TEKTL1: variants seen among roughly 807,000 people sequenced by gnomAD.
TEKTL1 encodes tektin-like protein 1.
chr19:15,023,117 TA>T, the TEKTL1 span: 1 of 1,592,740 alleles, frequency 6.3e-7, no homozygotes, highest in Non-Finnish European at 8.5e-7. Flanking sequence ...CGCGGACCCC[TA>T]GTGACCCCAG....
At chr19:15,020,964 C>T in the TEKTL1 span, among the ~76,000 whole-genome samples, 1 of 151,942 alleles carries the variant, frequency 6.6e-6, no homozygotes, top group African/African-American at 2.4e-5. Context: ...ACTGCAACCT[C>T]CGCCTCCCAG....
the TEKTL1 span, among the ~76,000 whole-genome samples, chr19:15,021,033 C>G: frequency 3.9e-5 from 6 of 152,066 alleles, no homozygotes. Flanking sequence ...GCGCCCACCA[C>G]CACGCCCGGC....
chr19:15,022,614 C>T, the TEKTL1 span, among the ~76,000 whole-genome samples: 1 of 152,118 alleles, frequency 6.6e-6, no homozygotes, highest in Non-Finnish European at 1.5e-5. Context: ...CAGGTGTGAG[C>T]CACCGCGTCC....
the TEKTL1 span, chr19:15,021,925 C>A: frequency 1.9e-6 from 3 of 1,609,428 alleles, no homozygotes; most frequent in African/African-American, 1.3e-5. Flanking sequence ...CACAGGTAAA[C>A]CCCCTCCCCC....
chr19:15,016,549 G>T, the TEKTL1 span, among the ~76,000 whole-genome samples: 1 of 152,098 alleles, frequency 6.6e-6, no homozygotes, highest in African/African-American at 2.4e-5. Context: ...GCATCAGTAG[G>T]GGTTTAATTA....
chr19:15,012,359 T>C, the TEKTL1 span, among the ~76,000 whole-genome samples: 2 of 151,538 alleles, frequency 1.3e-5, no homozygotes, highest in Non-Finnish European at 2.9e-5. Flanking sequence ...AGGCCAGGAG[T>C]TTGAGGCCAG....
At chr19:15,020,891 T>TTC in the TEKTL1 span, among the ~76,000 whole-genome samples, 85 of 151,734 alleles carry the variant, frequency 5.6e-4, no homozygotes, top group Non-Finnish European at 1.1e-3. Context: ...TTTTTTTTTT[T>TTC]TCCTTTGAGA....
chr19:15,012,702 G>A, the TEKTL1 span, among the ~76,000 whole-genome samples: 1 of 152,008 alleles, frequency 6.6e-6, no homozygotes. Context: ...CTCCCAGCCA[G>A]GGAGAGAGGG....
chr19:15,022,800 G>T, the TEKTL1 span: 1 of 1,473,348 alleles, frequency 6.8e-7, no homozygotes, highest in Non-Finnish European at 9.2e-7. Flanking sequence ...CACACACCTG[G>T]CGCAGGTGTG....
At chr19:15,011,542 T>C in the TEKTL1 span, 13 of 619,584 alleles carry the variant, frequency 2.1e-5, no homozygotes, top group Non-Finnish European at 3.2e-5. Context: ...GAGACCAGCC[T>C]GACCAACATG....
At chr19:15,021,382 C>G in the TEKTL1 span, 3 of 1,613,838 alleles carry the variant, frequency 1.9e-6, no homozygotes, top group Non-Finnish European at 2.5e-6. Flanking sequence ...CGAAGCCAAG[C>G]GGTTGTTGGT....
the TEKTL1 span, among the ~76,000 whole-genome samples, chr19:15,011,978 G>A: frequency 6.6e-6 from 1 of 152,030 alleles, no homozygotes; most frequent in Admixed American, 6.6e-5. Flanking sequence ...AAAGTTAGCT[G>A]GGTGTGTTGG....
chr19:15,021,678 C>G, the TEKTL1 span: 1 of 1,614,070 alleles, frequency 6.2e-7, no homozygotes, highest in South Asian at 1.1e-5. Flanking sequence ...CGAAATATAA[C>G]CAAGAGTTGT....
chr19:15,013,571 T>C, the TEKTL1 span: 1 of 811,286 alleles, frequency 1.2e-6, no homozygotes. Context: ...TCCTTCAAAC[T>C]CAGAGTTTAT....
the TEKTL1 span, among the ~76,000 whole-genome samples, chr19:15,014,743 G>A: frequency 7.7e-6 from 1 of 130,512 alleles, no homozygotes; most frequent in Non-Finnish European, 1.6e-5. Flanking sequence ...GGGGGCGGGG[G>A]CTGCTGAAAC....
At chr19:15,021,322 G>T in the TEKTL1 span, 1 of 1,607,624 alleles carries the variant, frequency 6.2e-7, no homozygotes, top group Non-Finnish European at 8.5e-7. Flanking sequence ...GGAGGACTTG[G>T]CACCCCCACG....
chr19:15,016,770 C>T, the TEKTL1 span, among the ~76,000 whole-genome samples: 11 of 152,182 alleles, frequency 7.2e-5, no homozygotes, highest in Admixed American at 3.9e-4. Flanking sequence ...GTTTCTGTCA[C>T]AACTACTCAA....
the TEKTL1 span, chr19:15,011,045 C>A: frequency 6.3e-7 from 1 of 1,578,108 alleles, no homozygotes; most frequent in East Asian, 2.3e-5. Flanking sequence ...CTGGCGCTTC[C>A]GCGTGGAGAT....
the TEKTL1 span, among the ~76,000 whole-genome samples, chr19:15,014,219 G>A: frequency 5.3e-5 from 8 of 152,294 alleles, no homozygotes; most frequent in African/African-American, 9.6e-5. Context: ...TGCATCCTTC[G>A]CACTTGCAAT....
Sources: gnomAD v4.1 joint callset for allele counts (sites outside exome capture counted in the v4.1 genomes callset) on GRCh38, gnomAD v4.1.1 for gene constraint, MANE v1.5 for transcripts, NCBI Gene and HGNC (gene_info 2026-07-23, HGNC 2026-07-21) for gene names.